SMARCA5: variants seen among roughly 807,000 people sequenced by gnomAD.
SMARCA5 encodes SWI/SNF-related matrix-associated actin-dependent regulator of chromatin subfamily A member 5.
SMARCA5 carries 18 observed loss-of-function variants against 140.4 expected under a neutral mutation model. That is an observed-to-expected ratio of 0.13 (90% CI 0.09 to 0.19). SMARCA5 has a LOEUF of 0.19. Among genes scored for constraint, SMARCA5 ranks in the 10% least tolerant of loss-of-function variants. The pLI is 1.00. For missense variants in SMARCA5, 606 were observed against 1,276.8 expected, an observed-to-expected ratio of 0.47 and a Z score of 8.01; for synonymous variants, 449 against 419.6, an observed-to-expected ratio of 1.07 and a Z score of -0.86.
In SMARCA5 at chr4:143,538,625, G is replaced by A; in HGVS notation, c.1531G>A (p.Val511Ile). ...RVLIFSQMTRVLDILEDYCMW... is the reference protein window; with the variant it reads ...RVLIFSQMTRILDILEDYCMW... Reference sequence around the variant, plus strand: ...ACTAATCTTCAGTCAAATGACAAGGGTATTGGACATTTTGGAAGATTATTG... The same window carrying A: ...ACTAATCTTCAGTCAAATGACAAGGATATTGGACATTTTGGAAGATTATTG... The change falls in exon 12 of 24, where the codon GTA becomes ATA. Residue 511 changes from valine to isoleucine, a missense_variant. By Grantham distance (29) the Val-to-Ile change is conservative. This residue lies in a region of SMARCA5 where 68 missense variants were observed against 126.9 expected (regional missense o/e 0.54). Transcript: ENST00000283131. 1 of 1,611,020 alleles carries A rather than the reference G, an allele frequency of 6.2e-7. No homozygotes were observed. Among genetic ancestry groups the A allele is most frequent in the Non-Finnish European group, 8.5e-7 (1 of 1,177,240 alleles).
chr4:143,538,560 C>G, intron 11 of SMARCA5, 30 bp from the exon 12 acceptor site: 2 of 1,599,264 alleles, frequency 1.3e-6, no homozygotes, highest in South Asian at 2.2e-5. Context: ...TTTGAAGCCA[C>G]TGATAATAGA....
chr4:143,551,313 A>G (rs1737635904), intron 23 of SMARCA5, among the ~76,000 whole-genome samples: 1 of 151,924 alleles, frequency 6.6e-6, no homozygotes, highest in South Asian at 2.1e-4. Flanking sequence ...TTATTTATTA[A>G]TCCTTTGACA....
intron 13 of SMARCA5, 58 bp downstream of exon 13, chr4:143,538,996 G>T (rs974200949): frequency 7.0e-7 from 1 of 1,437,238 alleles, no homozygotes; most frequent in Admixed American, 1.9e-5. Context: ...GTTAGGACAG[G>T]CTAATTCTAC....
chr4:143,548,753 G>A (rs1737579540), intron 22 of SMARCA5, among the ~76,000 whole-genome samples: 1 of 152,084 alleles, frequency 6.6e-6, no homozygotes, highest in Admixed American at 6.6e-5. Flanking sequence ...GCCAGATGAG[G>A]ATAATGCTAA....
At chr4:143,527,222 T>C (rs1320355142) in intron 6 of SMARCA5, among the ~76,000 whole-genome samples, 1 of 152,244 alleles carries the variant, frequency 6.6e-6, no homozygotes, top group Non-Finnish European at 1.5e-5. Context: ...GACATTAGTA[T>C]ATAAAGCTCA....
chr4:143,528,496 G>C, intron 7 of SMARCA5, 87 bp from the exon 8 acceptor site: 1 of 1,135,478 alleles, frequency 8.8e-7, no homozygotes, highest in Admixed American at 2.4e-5. Context: ...TCATTGTTGG[G>C]CATTTGTGTT....
In SMARCA5 at chr4:143,530,546, G is replaced by A; in HGVS notation, c.1158+20G>A. ...CATATGGTAAGTATTTTGGAGTAGTGTTAAAGCATATTTATGATGGGAAAA... is the reference window on the plus strand; with the variant it reads ...CATATGGTAAGTATTTTGGAGTAGTATTAAAGCATATTTATGATGGGAAAA... On this transcript the variant is annotated intron_variant, in intron 9 of 23. Transcript: ENST00000283131. 6.6e-7 allele frequency: 1 copy of A among 1,525,830 alleles called. No homozygotes were observed. The highest frequency in any genetic ancestry group is 9.0e-7 in the Non-Finnish European group (1 of 1,106,822). The allele number at this position is 1,525,830 out of a possible 1,614,324, so 94.5% of individuals were successfully genotyped here.
At chr4:143,537,009 TAGAC>T (rs1359473931) in intron 11 of SMARCA5, among the ~76,000 whole-genome samples, 1 of 152,206 alleles carries the variant, frequency 6.6e-6, no homozygotes, top group African/African-American at 2.4e-5. Flanking sequence ...GATCCATTGT[TAGAC>T]AGTGGTGGTG....
rs751266466 is a variant in SMARCA5, at chr4:143,549,362, GGGC to G, written c.2986-634_2986-632del. ...AAATAATTTTGCTCTATAAGAAAGG[GGGC>G]TGCTACCCAGCAGCCGTCCGTGCAG... On this transcript the variant is annotated intron_variant, in intron 22 of 23. Transcript: ENST00000283131. Among the ~76,000 whole-genome samples, 868 of 152,064 alleles carry G rather than the reference GGGC, an allele frequency of 5.7e-3. 10 individuals are homozygous for G. The highest frequency in any genetic ancestry group is 0.02 in the African/African-American group (830 of 41,480).
At chr4:143,548,205 C>T (rs1019169185) in intron 22 of SMARCA5, 65 bp downstream of exon 22, 2 of 940,882 alleles carry the variant, frequency 2.1e-6, no homozygotes, top group Non-Finnish European at 3.2e-6. Flanking sequence ...CTTTGGTATT[C>T]TTTAAGGTGA....
rs116493371 is a variant in SMARCA5, at chr4:143,527,391, A to G, written c.802-477A>G. On this transcript the variant is annotated intron_variant, in intron 6 of 23. Coordinates refer to ENST00000283131, the MANE Select transcript of SMARCA5 (RefSeq NM_003601.4). ...TTTTGTTTGTTTGTTTGGGAGCCCA[A>G]AGAGTGGTAATTACTTAACCAGTCT... 6.8e-3 allele frequency among the ~76,000 whole-genome samples: 1,032 copies of G among 152,320 alleles called. 8 individuals carry two copies. Among genetic ancestry groups the G allele is most frequent in the Non-Finnish European group, 0.011 (756 of 68,022 alleles).
chr4:143,549,971 G>A lies in SMARCA5; in HGVS notation c.2986-26G>A, dbSNP rs373731324. The A allele has an allele frequency of 1.4e-4, 174 of 1,263,148 alleles. No individual in the cohort carries two copies. The African/African-American group carries it at 2.2e-3, about 16-fold the overall frequency. The allele number at this position is 1,263,148 out of a possible 1,614,324, so 78.2% of individuals were successfully genotyped here. A position where few individuals can be genotyped will look rare whatever the true frequency, so the allele number is the denominator to read the frequency against. ...CATGAAACTTGTGGATGGAAAGTGC[G>A]TGTACCATGTTTGTTTATAATTTAG... On this transcript the variant is annotated intron_variant, in intron 22 of 23. Coordinates refer to ENST00000283131, the MANE Select transcript of SMARCA5 (RefSeq NM_003601.4).
chr4:143,514,003 G>A lies in SMARCA5; in HGVS notation c.79G>A (p.Gly27Ser), dbSNP rs1325206930. Residue 27 changes from glycine (G) to serine (S), a missense_variant, in exon 1 of 24, where the codon GGC becomes AGC. This residue lies in a region of SMARCA5 where 164 missense variants were observed against 128.4 expected (regional missense o/e 1.28). Coordinates refer to ENST00000283131, the MANE Select transcript of SMARCA5 (RefSeq NM_003601.4). ...PSKPAASIAS[G>S]GSNSSNKGGP... ...CAAGCCCGCAGCCTCGATCGCCAGC[G>A]GCGGGAGCAACAGCAGCAACAAAGG... is the stretch of plus-strand genomic sequence containing the variant. The A allele has an allele frequency of 3.9e-6, 6 of 1,551,160 alleles. No individual in the cohort carries two copies. The African/African-American group carries it at 6.8e-5, about 18-fold the overall frequency.
In SMARCA5 at chr4:143,543,873, G is replaced by A. The variant is rs1233874582; in HGVS notation, c.2073G>A (p.Lys691=). Residue 691 remains lysine (K), a synonymous_variant, in exon 16 of 24, where the codon AAG becomes AAA. Coordinates refer to ENST00000283131, the MANE Select transcript of SMARCA5 (RefSeq NM_003601.4). ...GAKKTAEMNE[K]LSKMGESSLR... ...TCTAGACTGCAGAGATGAATGAAAA[G>A]CTCTCCAAGATGGGCGAAAGTTCAC... 1.2e-6 allele frequency: 2 copies of A among 1,609,690 alleles called. No individual in the cohort carries two copies. The highest frequency in any genetic ancestry group is 2.2e-5 in the South Asian group (2 of 89,540).
At chr4:143,534,742 A>G in intron 9 of SMARCA5, 113 bp from the exon 10 acceptor site, 1 of 669,698 alleles carries the variant, frequency 1.5e-6, no homozygotes, top group Non-Finnish European at 2.4e-6. Flanking sequence ...AAATCACTTG[A>G]TACTCACGCA....
chr4:143,525,429 T>G (rs1189519634), intron 4 of SMARCA5, 22 bp from the exon 5 acceptor site: 1 of 1,454,916 alleles, frequency 6.9e-7, no homozygotes, highest in Non-Finnish European at 9.7e-7. Flanking sequence ...AAATGCCTAT[T>G]GTGCTTTTCT....
Position 143,524,730 on chromosome 4 carries a change from A to G in SMARCA5, c.520+263A>G, listed in dbSNP as rs548611683. Reference sequence around the variant, plus strand: ...GTAAATCTAAGGATCGTTTTGCTTTATATTTGTCCCACATAAGAAAACTAA... The same window carrying G: ...GTAAATCTAAGGATCGTTTTGCTTTGTATTTGTCCCACATAAGAAAACTAA... On this transcript the variant is annotated intron_variant, in intron 4 of 23. Coordinates refer to ENST00000283131, the MANE Select transcript of SMARCA5 (RefSeq NM_003601.4). 3.5e-4 allele frequency among the ~76,000 whole-genome samples: 54 copies of G among 152,302 alleles called. No homozygotes were observed. The East Asian group carries it at 9.8e-3, about 28-fold the overall frequency.
chr4:143,523,764 T>C (rs866259935), intron 3 of SMARCA5, among the ~76,000 whole-genome samples: 30 of 152,338 alleles, frequency 2.0e-4, no homozygotes, highest in Middle Eastern at 6.8e-3. Flanking sequence ...GATGAAAATA[T>C]TTGTTGAAAG....
At position 143,521,485 on chromosome 4, in the gene SMARCA5, A is replaced by G. The variant is rs1004455478; in HGVS notation, c.309A>G (p.Ala103=). ...TATTAAAGCAGACAGAACTTTTTGC[A>G]CATTTCATTCAACCTGCTGCTCAGA... The part of the protein sequence containing the change: ...EYLLKQTELF[A]HFIQPAAQKT... The change falls in exon 3 of 24, where the codon GCA becomes GCG. Residue 103 remains alanine, a synonymous_variant. Coordinates refer to ENST00000283131, the MANE Select transcript of SMARCA5 (RefSeq NM_003601.4). 3 of 1,613,614 alleles carry G rather than the reference A, an allele frequency of 1.9e-6. No individual in the cohort carries two copies. The highest frequency in any genetic ancestry group is 2.7e-5 in the African/African-American group (2 of 74,878).
Sources: allele counts gnomAD v4.1 joint callset (sites outside exome capture counted in the v4.1 genomes callset), GRCh38; gene constraint gnomAD v4.1.1; regional missense constraint gnomAD v4.1.1; transcripts MANE v1.5; gene names NCBI Gene and HGNC (gene_info 2026-07-23, HGNC 2026-07-21).